ADCY3: variants seen among roughly 807,000 people sequenced by gnomAD.
ADCY3 encodes adenylate cyclase 3.
Under a neutral mutation model 119.4 loss-of-function variants are expected in ADCY3, and 70 were observed. The ratio of observed to expected loss-of-function variants is 0.59; its 90% CI spans 0.48 to 0.72. ADCY3 has a LOEUF of 0.72. ADCY3 is among the 30% of genes least tolerant of loss of function. The pLI, the probability that ADCY3 is intolerant of heterozygous loss-of-function variation, is 0.00. For missense variants in ADCY3, 1,238 were observed against 1,541.6 expected, an observed-to-expected ratio of 0.80 and a Z score of 3.30; for synonymous variants, 672 against 621.4, an observed-to-expected ratio of 1.08 and a Z score of -1.21.
At chr2:24,904,774 T>C (rs1679283785) in intron 2 of ADCY3, among the ~76,000 whole-genome samples, 1 of 151,678 alleles carries the variant, frequency 6.6e-6, no homozygotes, top group Non-Finnish European at 1.5e-5. Context: ...CCCTAGTAGC[T>C]GGGATTACAG....
intron 2 of ADCY3, among the ~76,000 whole-genome samples, chr2:24,874,337 T>C (rs1175944334): frequency 1.3e-5 from 2 of 152,226 alleles, no homozygotes; most frequent in Non-Finnish European, 2.9e-5. Context: ...CCCAGTCGCC[T>C]ACCCCGTTTG....
rs147706160 is a variant in ADCY3 at position 24,870,813 on chromosome 2, T to TAC, written c.825+1755_825+1756dup. On this transcript the variant is annotated intron_variant, in intron 3 of 21. Coordinates refer to ENST00000679454, the MANE Select transcript of ADCY3 (RefSeq NM_004036.5). The stretch of plus-strand genomic sequence containing the variant: ...CTACCTCTAAAAAAGCTCTATGGGT[T>TAC]ACAAAGCACTTCTGGGTTTCTCATT... Among the ~76,000 whole-genome samples, 735 of 152,348 alleles carry TAC rather than the reference T, an allele frequency of 4.8e-3. 8 individuals are homozygous for TAC. Among genetic ancestry groups the TAC allele is most frequent in the African/African-American group, 0.017 (713 of 41,582 alleles).
chr2:24,910,370 C>T (rs1286508859), intron 2 of ADCY3, among the ~76,000 whole-genome samples: 7 of 151,920 alleles, frequency 4.6e-5, no homozygotes, highest in African/African-American at 1.7e-4. Context: ...GATTTTTGTA[C>T]CATTTGTAGA....
chr2:24,912,915 G>C (rs529346439), intron 2 of ADCY3, among the ~76,000 whole-genome samples: 1 of 152,292 alleles, frequency 6.6e-6, no homozygotes, highest in East Asian at 1.9e-4. Context: ...TTGATTTTCT[G>C]CAAAGTTGTT....
Position 24,872,535 on chromosome 2 carries a change from C to T in ADCY3, c.825+35G>A, listed in dbSNP as rs781199989. The T allele has an allele frequency of 3.7e-6, 6 of 1,606,004 alleles. No homozygotes were observed. Among genetic ancestry groups the T allele is most frequent in the Non-Finnish European group, 4.3e-6 (5 of 1,175,502 alleles). On this transcript the variant is annotated intron_variant, in intron 3 of 21. Transcript: ENST00000679454. The surrounding 1 kb of genome is among the most constrained non-coding windows in gnomAD (Gnocchi z 4.4). ...CTGACAAGGCCACAGTCCCTGAGCC[C>T]AAGCTCCAGGCCCGAGGCCTCCCGA...
chr2:24,881,373 G>A (rs1401102282), intron 2 of ADCY3, among the ~76,000 whole-genome samples: 8 of 152,198 alleles, frequency 5.3e-5, no homozygotes, highest in Non-Finnish European at 8.8e-5. Flanking sequence ...TGGCACCGAC[G>A]TTAGGACAGG....
intron 15 of ADCY3, chr2:24,826,594 C>A (rs1014605898): frequency 6.4e-6 from 1 of 155,216 alleles, no homozygotes; most frequent in Non-Finnish European, 1.4e-5. Flanking sequence ...CATGAATATA[C>A]CAGTTATGTA....
intron 15 of ADCY3, 96 bp downstream of exon 15, chr2:24,827,450 C>G: frequency 7.1e-7 from 1 of 1,398,682 alleles, no homozygotes; most frequent in Non-Finnish European, 9.9e-7. Context: ...ACGTGCCTCC[C>G]GGGAGGGTGA....
At chr2:24,877,809 C>T in intron 2 of ADCY3, 2 of 456,732 alleles carry the variant, frequency 4.4e-6, no homozygotes, top group South Asian at 3.1e-5. Flanking sequence ...GAAGAGGCTC[C>T]TTGGCCTGGG....
At chr2:24,848,793 G>A (rs1166670426) in intron 3 of ADCY3, among the ~76,000 whole-genome samples, 1 of 152,214 alleles carries the variant, frequency 6.6e-6, no homozygotes, top group African/African-American at 2.4e-5. Context: ...ATGTTCCTCT[G>A]GGCTTTGAAG....
At chr2:24,869,619 T>TG (rs1284611310) in intron 3 of ADCY3, among the ~76,000 whole-genome samples, 1 of 152,134 alleles carries the variant, frequency 6.6e-6, no homozygotes, top group Non-Finnish European at 1.5e-5. Flanking sequence ...TTGCTCAGGC[T>TG]GGTCTTGAAC....
At position 24,918,594 on chromosome 2, in the gene ADCY3, C is replaced by T. The variant is rs1409389873; in HGVS notation, c.394G>A (p.Asp132Asn). 1 of 1,614,026 alleles carries T rather than the reference C, an allele frequency of 6.2e-7. No individual in the cohort carries two copies. The highest frequency in any genetic ancestry group is 8.5e-7 in the Non-Finnish European group (1 of 1,180,046). The change falls in exon 2 of 22, where the codon GAC becomes AAC. Residue 132 changes from aspartate to asparagine, a missense_variant. Physicochemically the swap from Asp to Asn is conservative, Grantham distance 23. Transcript: ENST00000679454. The surrounding 1 kb of genome is among the most constrained non-coding windows in gnomAD (Gnocchi z 5.4). ...GGCAGCACTCTGCGGGTGACCCGGT[C>T]CGGGAGCAGCCCCTTTTTGCAGAGC... is the stretch of plus-strand genomic sequence containing the variant. ...FVLCKKGLLP[D>N]RVTRRVLPYV...
chr2:24,819,688 G>A lies in ADCY3; in HGVS notation c.*244C>T, dbSNP rs563292936. On this transcript the variant is annotated 3_prime_UTR_variant, in exon 22 of 22. Transcript: ENST00000679454. ...GGGCAAGGACGGCAGGGATTGGAAC[G>A]AGGGCTCTGGAAGGACTGTTCAGCC... is the stretch of plus-strand genomic sequence containing the variant. 2.9e-4 allele frequency: 126 copies of A among 428,608 alleles called. No individual in the cohort carries two copies. The highest frequency in any genetic ancestry group is 1.5e-3 in the Admixed American group (38 of 24,586). The allele number at this position is 428,608 out of a possible 1,614,324, so 26.6% of individuals were successfully genotyped here.
intron 16 of ADCY3, chr2:24,825,797 A>C: frequency 1.8e-6 from 1 of 542,348 alleles, no homozygotes. Flanking sequence ...ATCCCCTCCC[A>C]CCTTCACTCC....
chr2:24,837,616 A>G (rs893118150), intron 8 of ADCY3, among the ~76,000 whole-genome samples: 1 of 152,228 alleles, frequency 6.6e-6, no homozygotes, highest in African/African-American at 2.4e-5. Context: ...CTTAATTCCA[A>G]GTCTTGTTAG....
At chr2:24,830,523 CTCCCT>C (rs1204741109) in intron 13 of ADCY3, among the ~76,000 whole-genome samples, 181 bp downstream of exon 13, 2 of 152,074 alleles carry the variant, frequency 1.3e-5, no homozygotes, top group African/African-American at 4.8e-5. Flanking sequence ...ATCCCAGAGG[CTCCCT>C]GGATGACAGG....
chr2:24,825,865 CTG>C (rs1668548944), intron 16 of ADCY3, 178 bp downstream of exon 16: 8 of 626,434 alleles, frequency 1.3e-5, no homozygotes, highest in Middle Eastern at 7.6e-4. Flanking sequence ...AACTGTCTTC[CTG>C]TGTGACTGAG....
At chr2:24,821,712 G>C in intron 19 of ADCY3, 72 bp from the exon 20 acceptor site, 1 of 1,575,942 alleles carries the variant, frequency 6.3e-7, no homozygotes, top group Non-Finnish European at 8.6e-7. Context: ...GCCTTCCCTG[G>C]CAGTGTTCTG....
chr2:24,900,919 G>A (rs1678827753), intron 2 of ADCY3, among the ~76,000 whole-genome samples: 1 of 152,134 alleles, frequency 6.6e-6, no homozygotes, highest in Non-Finnish European at 1.5e-5. Flanking sequence ...ACAAAAATCA[G>A]CTGGGCGTGG....
Sources: gnomAD v4.1 joint callset for allele counts (sites outside exome capture counted in the v4.1 genomes callset) on GRCh38, gnomAD v4.1.1 for gene constraint, Gnocchi (gnomAD v3.1) non-coding constraint, MANE v1.5 for transcripts, NCBI Gene and HGNC (gene_info 2026-07-23, HGNC 2026-07-21) for gene names.